GDAP2: variants seen among roughly 807,000 people sequenced by gnomAD.
GDAP2 encodes ganglioside induced differentiation associated protein 2.
Under a neutral mutation model 67.0 loss-of-function variants are expected in GDAP2, and 51 were observed. The observed-to-expected ratio is 0.76, with a 90% CI of 0.61 to 0.96. The LOEUF (loss-of-function observed/expected upper bound fraction) is 0.96, where lower values mean the gene tolerates loss of function less well. GDAP2 is among the 40% of genes least tolerant of loss of function. The pLI, the probability that GDAP2 is intolerant of heterozygous loss-of-function variation, is 0.00. For missense variants in GDAP2, 547 were observed against 588.3 expected (o/e 0.93, Z 0.73); for synonymous variants, 203 against 207.3 (o/e 0.98, Z 0.18).
At chr1:117,906,643 A>G (rs1649670243) in intron 5 of GDAP2, 61 bp from the exon 6 acceptor site, 2 of 878,784 alleles carry the variant, frequency 2.3e-6, no homozygotes, top group East Asian at 2.4e-5. Flanking sequence ...ATAAAGAAAA[A>G]TCAAGCTCTT....
chr1:117,886,326 C>T (rs1370759760), intron 10 of GDAP2, among the ~76,000 whole-genome samples: 1 of 151,992 alleles, frequency 6.6e-6, no homozygotes, highest in Non-Finnish European at 1.5e-5. Flanking sequence ...ACATCATATC[C>T]AAAACAAAGC....
chr1:117,883,146 T>C (rs1648721398), intron 11 of GDAP2: 1 of 161,522 alleles, frequency 6.2e-6, no homozygotes, highest in African/African-American at 2.4e-5. Flanking sequence ...CAAACACAGA[T>C]AATATCTCTC....
At position 117,866,830 on chromosome 1, in the gene GDAP2, G is replaced by T. The variant is rs1648078821; in HGVS notation, c.*3739C>A. 1.3e-5 allele frequency: 2 copies of T among 148,164 alleles called. No individual in the cohort carries two copies. Among genetic ancestry groups the T allele is most frequent in the South Asian group, 4.2e-4 (2 of 4,712 alleles). The allele number at this position is 148,164 out of a possible 1,614,324, so 9.2% of individuals were successfully genotyped here. On this transcript the variant is annotated 3_prime_UTR_variant, in exon 14 of 14. Coordinates refer to ENST00000369443, the MANE Select transcript of GDAP2 (RefSeq NM_017686.4). The stretch of plus-strand genomic sequence containing the variant: ...GATCGTGCCATTGCACTCCAGCCTG[G>T]GTGACCAAAAAAAAAAAAAAAGTAC...
chr1:117,918,515 C>T, intron 3 of GDAP2, 82 bp downstream of exon 3: 2 of 1,000,734 alleles, frequency 2.0e-6, no homozygotes, highest in Non-Finnish European at 3.0e-6. Flanking sequence ...CAAAATTTTC[C>T]CACAAAACAT....
intron 13 of GDAP2, among the ~76,000 whole-genome samples, chr1:117,872,744 C>T (rs1648334890): frequency 6.6e-6 from 1 of 152,008 alleles, no homozygotes; most frequent in Admixed American, 6.6e-5. Context: ...GGCTTAATAC[C>T]TAGGTGATGG....
intron 6 of GDAP2, among the ~76,000 whole-genome samples, chr1:117,900,965 C>T (rs988484563): frequency 6.6e-6 from 1 of 152,064 alleles, no homozygotes; most frequent in African/African-American, 2.4e-5. Flanking sequence ...GAGGCTGAGG[C>T]AAGAGAACGG....
At chr1:117,912,758 C>G in intron 3 of GDAP2, 75 bp from the exon 4 acceptor site, 5 of 1,274,746 alleles carry the variant, frequency 3.9e-6, no homozygotes, top group African/African-American at 3.0e-5. Context: ...AAGCATGAAA[C>G]AGAGAAAGTA....
intron 13 of GDAP2, among the ~76,000 whole-genome samples, chr1:117,871,910 C>T (rs1032285987): frequency 1.3e-5 from 2 of 152,064 alleles, no homozygotes; most frequent in African/African-American, 4.8e-5. Context: ...AGACAACCTA[C>T]AGAATGGGAG....
In GDAP2 at chr1:117,899,080, C is replaced by A. The variant is rs768336203; in HGVS notation, c.773G>T (p.Ser258Ile). The change falls in exon 7 of 14, where the codon AGT becomes ATT. Residue 258 changes from serine (S) to isoleucine (I), a missense_variant. Coordinates refer to ENST00000369443, the MANE Select transcript of GDAP2 (RefSeq NM_017686.4). ...PVVPERQIRI[S>I]EKPGAPEDNQ... ...ACCTTCTGGAGCACCAGGTTTCTCA[C>A]TTATTCTAATCTGTCGTTCAGGTAC... The A allele has an allele frequency of 3.1e-6, 5 of 1,613,662 alleles. No homozygotes were observed. The highest frequency in any genetic ancestry group is 4.2e-6 in the Non-Finnish European group (5 of 1,179,718).
chr1:117,913,539 G>A (rs1330524227), intron 3 of GDAP2: 1 of 152,118 alleles, frequency 6.6e-6, no homozygotes, highest in Non-Finnish European at 1.5e-5. Context: ...ATACTTAACA[G>A]TGAAAGGTCT....
chr1:117,867,737 T>C lies in GDAP2; in HGVS notation c.*2832A>G, dbSNP rs545103833. The C allele has an allele frequency of 6.6e-6, 1 of 151,638 alleles. No homozygotes were observed. The highest frequency in any genetic ancestry group is 2.1e-4 in the South Asian group (1 of 4,804). The allele number at this position is 151,638 out of a possible 1,614,324, so 9.4% of individuals were successfully genotyped here. ...AAAAAGAAAAAGGAAATATAAAGCA[T>C]CCGCCAATGAAACATAATATACATT... On this transcript the variant is annotated 3_prime_UTR_variant, in exon 14 of 14. Transcript: ENST00000369443.
At chr1:117,919,845 C>T (rs1231388664) in intron 2 of GDAP2, among the ~76,000 whole-genome samples, 1 of 150,770 alleles carries the variant, frequency 6.6e-6, no homozygotes, top group African/African-American at 2.4e-5. Flanking sequence ...GCCAACTAAC[C>T]TATAGTGACA....
intron 12 of GDAP2, among the ~76,000 whole-genome samples, chr1:117,878,968 A>G (rs955579848): frequency 6.6e-6 from 1 of 152,224 alleles, no homozygotes; most frequent in Admixed American, 6.5e-5. Context: ...TGCAGGAAAT[A>G]GCAAACTTTT....
At chr1:117,897,188 A>C (rs1649292798) in intron 7 of GDAP2, among the ~76,000 whole-genome samples, 199 bp from the exon 8 acceptor site, 1 of 152,232 alleles carries the variant, frequency 6.6e-6, no homozygotes, top group African/African-American at 2.4e-5. Flanking sequence ...TGTGTGACAA[A>C]GGTTTTAGCA....
intron 8 of GDAP2, among the ~76,000 whole-genome samples, chr1:117,891,552 C>A (rs991380150): frequency 1.3e-5 from 2 of 151,906 alleles, no homozygotes; most frequent in South Asian, 4.1e-4. Flanking sequence ...CTATGAGATG[C>A]CTGTTCCTAT....
At position 117,912,643 on chromosome 1, in the gene GDAP2, A is replaced by ATT; in HGVS notation, c.355_356dup (p.Asn119LysfsTer3). 1 of 1,613,728 alleles carries ATT rather than the reference A, an allele frequency of 6.2e-7. No homozygotes were observed. Among genetic ancestry groups the ATT allele is most frequent in the Non-Finnish European group, 8.5e-7 (1 of 1,179,654 alleles). The stretch of plus-strand genomic sequence containing the variant: ...TGTGAATGATGAACCGGGCAGCTAG[A>ATT]TTGAATCCTTTTGTCAATTTTGCTT... On this transcript the variant is annotated frameshift_variant, in exon 4 of 14. Transcript: ENST00000369443. LOFTEE classifies it high-confidence loss of function.
intron 9 of GDAP2, 40 bp from the exon 10 acceptor site, chr1:117,886,693 T>G (rs1648868917): frequency 1.0e-6 from 1 of 980,790 alleles, no homozygotes; most frequent in South Asian, 1.3e-5. Context: ...GAAACTTCAT[T>G]CCAAGAATAC....
In GDAP2 at chr1:117,870,354, A is replaced by G; in HGVS notation, c.*215T>C. 1.9e-6 allele frequency: 1 copy of G among 535,514 alleles called. No individual in the cohort carries two copies. Among genetic ancestry groups the G allele is most frequent in the Non-Finnish European group, 3.3e-6 (1 of 303,282 alleles). 33.2% of individuals were successfully genotyped at this position (535,514 alleles called of 1,614,324 possible). A position where few individuals can be genotyped will look rare whatever the true frequency, so the allele number is the denominator to read the frequency against. Reference sequence around the variant, plus strand: ...AAAAATGAACATTTCCATTTCATATAAATATACAAATTTAAAATGTGTGCA... The same window carrying G: ...AAAAATGAACATTTCCATTTCATATGAATATACAAATTTAAAATGTGTGCA... On this transcript the variant is annotated 3_prime_UTR_variant, in exon 14 of 14. Coordinates refer to ENST00000369443, the MANE Select transcript of GDAP2 (RefSeq NM_017686.4).
At chr1:117,906,992 C>T (rs1007082880) in intron 5 of GDAP2, among the ~76,000 whole-genome samples, 1 of 152,310 alleles carries the variant, frequency 6.6e-6, no homozygotes, top group South Asian at 2.1e-4. Context: ...GGGCCTCTCT[C>T]GGGCCAGAAT....
Sources: allele counts gnomAD v4.1 joint callset (sites outside exome capture counted in the v4.1 genomes callset), GRCh38; gene constraint gnomAD v4.1.1; transcripts MANE v1.5; gene names NCBI Gene and HGNC (gene_info 2026-07-23, HGNC 2026-07-21).